Variants in DACH2 observed in about 807,000 individuals in gnomAD.
DACH2 encodes the protein dachshund homolog 2.
A neutral mutation model predicts 35.8 loss-of-function variants in DACH2; 17 were observed. The observed-to-expected ratio is 0.48, with a 90% confidence interval of 0.33 to 0.71. DACH2 has a LOEUF of 0.71. DACH2 is among the 30% of genes least tolerant of loss of function. The pLI is 0.02. For missense variants in DACH2, 469 were observed against 472.7 expected (o/e 0.99, Z 0.07); for synonymous variants, 195 against 177.3 (o/e 1.10, Z -0.79).
At chrX:86,300,234 C>T (rs778383400) in intron 1 of DACH2, among the ~76,000 whole-genome samples, 49 of 106,833 alleles carry the variant, frequency 4.6e-4, no homozygotes, top group Non-Finnish European at 7.9e-4. Context: ...TACTTCTTTG[C>T]GAAAAAAAAA....
At chrX:86,621,913 C>A (rs1192745939) in intron 3 of DACH2, among the ~76,000 whole-genome samples, 1 of 111,763 alleles carries the variant, frequency 8.9e-6, no homozygotes, top group Non-Finnish European at 1.9e-5. Flanking sequence ...TAAGAAGGCT[C>A]TTTGCCATTT....
chrX:86,295,132 T>C (rs1331158627), intron 1 of DACH2, among the ~76,000 whole-genome samples: 1 of 112,856 alleles, frequency 8.9e-6, no homozygotes, highest in Non-Finnish European at 1.9e-5. Context: ...GCCCCGTTTT[T>C]TAAGCCCATC....
At chrX:86,804,063 G>A (rs1001007105) in intron 7 of DACH2, among the ~76,000 whole-genome samples, 3 of 111,661 alleles carry the variant, frequency 2.7e-5, no homozygotes, top group African/African-American at 9.8e-5. Flanking sequence ...CGCTTATCTG[G>A]AATGCTTCAG....
At chrX:86,668,227 T>C (rs1047097255) in intron 4 of DACH2, among the ~76,000 whole-genome samples, 1 of 112,285 alleles carries the variant, frequency 8.9e-6, no homozygotes, top group Non-Finnish European at 1.9e-5. Flanking sequence ...CATGTCTTTG[T>C]AGAACATAAC....
At chrX:86,738,051 T>G (rs2041614861) in intron 6 of DACH2, among the ~76,000 whole-genome samples, 1 of 111,855 alleles carries the variant, frequency 8.9e-6, no homozygotes, top group Non-Finnish European at 1.9e-5. Context: ...TGTCTCCCTC[T>G]GACCCTTCTT....
chrX:86,655,857 T>C (rs1299196636), intron 4 of DACH2, among the ~76,000 whole-genome samples: 1 of 111,410 alleles, frequency 9.0e-6, no homozygotes, highest in Non-Finnish European at 1.9e-5. Context: ...GATTCAATTG[T>C]AGGATGTAGC....
intron 2 of DACH2, among the ~76,000 whole-genome samples, chrX:86,453,641 T>A (rs1044291836): frequency 1.3e-4 from 14 of 111,601 alleles, no homozygotes; most frequent in Non-Finnish European, 2.4e-4. Flanking sequence ...GTAACCCCTG[T>A]TTTTTTCTGT....
chrX:86,687,003 C>A (rs1224926460), intron 4 of DACH2, among the ~76,000 whole-genome samples: 1 of 111,910 alleles, frequency 8.9e-6, no homozygotes, highest in Non-Finnish European at 1.9e-5. Flanking sequence ...ACATATTAGC[C>A]CTATTTTTAG....
At chrX:86,557,046 G>A (rs1283732448) in intron 3 of DACH2, among the ~76,000 whole-genome samples, 4 of 108,526 alleles carry the variant, frequency 3.7e-5, no homozygotes, top group African/African-American at 1.0e-4. Flanking sequence ...GGAGTCTGAA[G>A]GCCTGAGTGC....
intron 2 of DACH2, among the ~76,000 whole-genome samples, chrX:86,493,852 G>A (rs779672433): frequency 6.8e-4 from 76 of 111,876 alleles, no homozygotes; most frequent in South Asian, 1.5e-3. Flanking sequence ...ATAGATGAAG[G>A]GTGTGAGCCA....
intron 2 of DACH2, among the ~76,000 whole-genome samples, chrX:86,421,001 A>G (rs191950826): frequency 8.1e-5 from 9 of 111,357 alleles, no homozygotes; most frequent in Non-Finnish European, 1.7e-4. Context: ...TCAGGAACTG[A>G]TGGTAGAAGG....
intron 7 of DACH2, among the ~76,000 whole-genome samples, chrX:86,807,047 T>A (rs2042351577): frequency 9.0e-6 from 1 of 111,573 alleles, no homozygotes; most frequent in African/African-American, 3.3e-5. Context: ...ATATGTCCTC[T>A]GGGCAACAAA....
intron 1 of DACH2, among the ~76,000 whole-genome samples, chrX:86,268,036 T>C (rs757729459): frequency 8.9e-6 from 1 of 111,770 alleles, no homozygotes; most frequent in Non-Finnish European, 1.9e-5. Context: ...AGAACAGCAG[T>C]AGATGAGAAA....
At chrX:86,776,254 G>A (rs1033891134) in intron 7 of DACH2, among the ~76,000 whole-genome samples, 10 of 111,269 alleles carry the variant, frequency 9.0e-5, no homozygotes, top group African/African-American at 2.9e-4. Flanking sequence ...TTAAGGTGCC[G>A]GCAGATTCCA....
chrX:86,644,679 A>G lies in DACH2; in HGVS notation c.641-6357A>G, dbSNP rs530392859. Among the ~76,000 whole-genome samples, 9 of 112,006 alleles carry G rather than the reference A, an allele frequency of 8.0e-5. No individual in the cohort carries two copies. The South Asian group carries it at 3.3e-3, about 41-fold the overall frequency. On this transcript the variant is annotated intron_variant, in intron 3 of 11. Coordinates refer to ENST00000373125, the MANE Select transcript of DACH2 (RefSeq NM_053281.3). ...ACTTCAAACTATACTACAAGGCTACAATGACCAAAACAGTGTGGCACTGGT... is the reference window on the plus strand; with the variant it reads ...ACTTCAAACTATACTACAAGGCTACGATGACCAAAACAGTGTGGCACTGGT...
In DACH2 at chrX:86,535,343, C is replaced by T. The variant is rs763596008; in HGVS notation, c.640+20952C>T. Among the ~76,000 whole-genome samples, 5 of 111,260 alleles carry T rather than the reference C, an allele frequency of 4.5e-5. No individual in the cohort carries two copies. In the South Asian group the frequency reaches 1.5e-3, roughly 34 times the overall value. On this transcript the variant is annotated intron_variant, in intron 3 of 11. Transcript: ENST00000373125. ...GCTGCTGTAACAGAATATGTGAGAC[C>T]GGGTAATATATAATTATAAACCAAA...
intron 7 of DACH2, among the ~76,000 whole-genome samples, chrX:86,754,824 T>C (rs1336304933): frequency 8.9e-6 from 1 of 111,998 alleles, no homozygotes; most frequent in East Asian, 2.8e-4. Context: ...TATCCATTTA[T>C]CTGGTGAGGG....
intron 3 of DACH2, among the ~76,000 whole-genome samples, chrX:86,612,501 C>T (rs983898678): frequency 9.0e-6 from 1 of 111,503 alleles, no homozygotes; most frequent in African/African-American, 3.3e-5. Flanking sequence ...AGGGTCAAGG[C>T]TTACCAATGT....
intron 3 of DACH2, among the ~76,000 whole-genome samples, chrX:86,625,351 A>T (rs2040123387): frequency 9.1e-6 from 1 of 109,637 alleles, no homozygotes; most frequent in African/African-American, 3.3e-5. Flanking sequence ...TACCTTGCAT[A>T]TATCAGATAA....
Sources: allele counts gnomAD v4.1 joint callset (sites outside exome capture counted in the v4.1 genomes callset), GRCh38; gene constraint gnomAD v4.1.1; transcripts MANE v1.5; gene names NCBI Gene and HGNC (gene_info 2026-07-23, HGNC 2026-07-21).